Variants in TMOD3 observed in about 807,000 individuals in gnomAD.
TMOD3 encodes the protein tropomodulin 3, also known as tropomodulin-3.
TMOD3 carries 20 observed loss-of-function variants against 39.2 expected under a neutral mutation model. The ratio of observed to expected loss-of-function variants is 0.51; its 90% CI spans 0.36 to 0.74. The LOEUF (loss-of-function observed/expected upper bound fraction) is 0.74, where lower values mean the gene tolerates loss of function less well. Among genes scored for constraint, TMOD3 ranks in the 30% least tolerant of loss-of-function variants. The probability of loss-of-function intolerance (pLI) is 0.00; values close to 1 mark genes in which losing one functional copy is unlikely to be tolerated. For synonymous variants in TMOD3, 143 were observed against 145.8 expected (o/e 0.98, Z 0.14); for missense variants, 381 against 412.8 (o/e 0.92, Z 0.67).
At chr15:51,902,644 A>ATT (rs200954393) in intron 9 of TMOD3, among the ~76,000 whole-genome samples, 1,060 of 94,914 alleles carry the variant, frequency 0.011, 46 homozygotes, top group East Asian at 0.069. Flanking sequence ...TAATTTTTGT[A>ATT]TTTTTTTTTT....
At chr15:51,848,476 G>C (rs1350334928) in intron 1 of TMOD3, among the ~76,000 whole-genome samples, 4 of 152,142 alleles carry the variant, frequency 2.6e-5, no homozygotes, top group African/African-American at 9.7e-5. Flanking sequence ...AGAGTATTTT[G>C]ATGTTTTGAA....
intron 5 of TMOD3, among the ~76,000 whole-genome samples, chr15:51,892,796 A>C (rs1378485215): frequency 6.6e-6 from 1 of 152,190 alleles, no homozygotes; most frequent in East Asian, 1.9e-4. Context: ...GCTAGATTTT[A>C]TCATACTATT....
chr15:51,861,029 T>C, intron 1 of TMOD3: 1 of 715,004 alleles, frequency 1.4e-6, no homozygotes, highest in East Asian at 4.0e-5. Context: ...GTACCTGGTG[T>C]ACAATAGAAT....
intron 1 of TMOD3, among the ~76,000 whole-genome samples, chr15:51,854,118 T>C (rs1178815689): frequency 6.6e-6 from 1 of 152,210 alleles, no homozygotes; most frequent in Non-Finnish European, 1.5e-5. Context: ...GTGTATCTTA[T>C]GCTGAGGAGA....
At chr15:51,865,009 C>T (rs939411662) in intron 2 of TMOD3, among the ~76,000 whole-genome samples, 18 of 151,830 alleles carry the variant, frequency 1.2e-4, no homozygotes, top group African/African-American at 4.1e-4. Flanking sequence ...TTTTTAGAGC[C>T]CAATTCTCAC....
At chr15:51,864,887 G>C (rs1278641406) in intron 2 of TMOD3, among the ~76,000 whole-genome samples, 1 of 152,186 alleles carries the variant, frequency 6.6e-6, no homozygotes, top group Non-Finnish European at 1.5e-5. Flanking sequence ...GGGGAGGTTG[G>C]TGGGGATAGT....
intron 1 of TMOD3, among the ~76,000 whole-genome samples, chr15:51,841,718 G>A (rs927413624): frequency 2.6e-5 from 4 of 152,012 alleles, no homozygotes; most frequent in African/African-American, 9.7e-5. Flanking sequence ...ATCCCCAATT[G>A]CCACTAGCTG....
At chr15:51,854,651 T>C (rs545031841) in intron 1 of TMOD3, among the ~76,000 whole-genome samples, 4 of 152,310 alleles carry the variant, frequency 2.6e-5, no homozygotes, top group Admixed American at 1.3e-4. Flanking sequence ...CTCAAACTTA[T>C]ATATAGATCC....
intron 1 of TMOD3, among the ~76,000 whole-genome samples, chr15:51,841,195 T>C (rs955727530): frequency 2.0e-5 from 3 of 152,196 alleles, no homozygotes; most frequent in African/African-American, 7.2e-5. Context: ...CAAACAAAAA[T>C]TGATTCCTTT....
rs1595918355 is a variant in TMOD3, at chr15:51,915,419, C to A, written c.*6609C>A. The A allele has an allele frequency of 1.3e-5, 2 of 151,842 alleles. No individual in the cohort carries two copies. The highest frequency in any genetic ancestry group is 2.1e-4 in the South Asian group (1 of 4,810). 9.4% of individuals were successfully genotyped at this position (151,842 alleles called of 1,614,324 possible). ...GAATTATTATATTTGGTTTTAGTTACATTTAAAAGCTTGAAAATTACCTTT... is the reference window on the plus strand; with the variant it reads ...GAATTATTATATTTGGTTTTAGTTAAATTTAAAAGCTTGAAAATTACCTTT... On this transcript the variant is annotated 3_prime_UTR_variant, in exon 10 of 10. Coordinates refer to ENST00000308580, the MANE Select transcript of TMOD3 (RefSeq NM_014547.5).
intron 3 of TMOD3, among the ~76,000 whole-genome samples, chr15:51,877,418 G>A (rs1442866242): frequency 1.3e-5 from 2 of 152,052 alleles, no homozygotes; most frequent in South Asian, 2.1e-4. Context: ...GGTGGCTCAC[G>A]CCTGTAATCC....
intron 4 of TMOD3, 98 bp downstream of exon 4, chr15:51,887,809 A>G (rs374114945): frequency 6.9e-7 from 1 of 1,454,098 alleles, no homozygotes. Flanking sequence ...TGCTTTACCT[A>G]GCAAGTACTG....
rs1273632414 is a variant in TMOD3 at position 51,909,669 on chromosome 15, A to G, written c.*859A>G. On this transcript the variant is annotated 3_prime_UTR_variant, in exon 10 of 10. Transcript: ENST00000308580. ...AGAGAAAAAAGAAAACTGTTAAACA[A>G]TGAAATCAAAGATAATAAATATGAT... The G allele has an allele frequency of 2.6e-5, 4 of 152,282 alleles. No homozygotes were observed. Among genetic ancestry groups the G allele is most frequent in the Admixed American group, 1.3e-4 (2 of 15,278 alleles). The allele number at this position is 152,282 out of a possible 1,614,324, so 9.4% of individuals were successfully genotyped here. A position where few individuals can be genotyped will look rare whatever the true frequency, so the allele number is the denominator to read the frequency against.
chr15:51,862,594 ATTTTG>A (rs1049673747), intron 1 of TMOD3, among the ~76,000 whole-genome samples: 3 of 152,066 alleles, frequency 2.0e-5, no homozygotes, highest in Non-Finnish European at 2.9e-5. Flanking sequence ...ATGGATTTGA[ATTTTG>A]TTTTATCTTT....
chr15:51,878,952 C>A (rs1223283427), intron 3 of TMOD3, among the ~76,000 whole-genome samples: 2 of 152,178 alleles, frequency 1.3e-5, no homozygotes, highest in East Asian at 3.8e-4. Flanking sequence ...ATATACTCAG[C>A]AAGGGTGGGA....
At chr15:51,879,858 A>T (rs895311179) in intron 3 of TMOD3, among the ~76,000 whole-genome samples, 5 of 138,748 alleles carry the variant, frequency 3.6e-5, no homozygotes, top group African/African-American at 1.6e-4. Flanking sequence ...TCTGTCTTTC[A>T]CACACACACA....
chr15:51,869,677 TTACAGAG>T (rs1025989028), intron 3 of TMOD3, among the ~76,000 whole-genome samples: 3 of 152,200 alleles, frequency 2.0e-5, no homozygotes, highest in Admixed American at 1.3e-4. Flanking sequence ...CAGTGGTAGA[TTACAGAG>T]TACAAATGAT....
At position 51,902,642 on chromosome 15, in the gene TMOD3, G is replaced by GTTTTT. The variant is rs1286780618; in HGVS notation, c.1024+607_1024+608insTTTTT. ...TGCGCGCCGTGCCCAGCTAATTTTT[G>GTTTTT]TATTTTTTTTTTTTTTTTTTTTTTT... On this transcript the variant is annotated intron_variant, in intron 9 of 9. Coordinates refer to ENST00000308580, the MANE Select transcript of TMOD3 (RefSeq NM_014547.5). Among the ~76,000 whole-genome samples, 29 of 63,346 alleles carry GTTTTT rather than the reference G, an allele frequency of 4.6e-4. 2 individuals are homozygous for GTTTTT. Among genetic ancestry groups the GTTTTT allele is most frequent in the African/African-American group, 6.9e-4 (10 of 14,398 alleles). The allele number at this position is 63,346 out of a possible 152,430, so 41.6% of individuals were successfully genotyped here. A position where few individuals can be genotyped will look rare whatever the true frequency, so the allele number is the denominator to read the frequency against.
At chr15:51,905,950 CAAAAAAAAAAAAAAAAAAA>C (rs869172248) in intron 9 of TMOD3, among the ~76,000 whole-genome samples, 1 of 64,728 alleles carries the variant, frequency 1.5e-5, no homozygotes, top group Admixed American at 2.2e-4. Context: ...GACTCCGTCT[CAAAAAAAAAAAAAAAAAAA>C]AAAAAAAAAA....
Sources: allele counts gnomAD v4.1 joint callset (sites outside exome capture counted in the v4.1 genomes callset), GRCh38; gene constraint gnomAD v4.1.1; transcripts MANE v1.5; gene names NCBI Gene and HGNC (gene_info 2026-07-23, HGNC 2026-07-21).